NELL1: variants seen among roughly 807,000 people sequenced by gnomAD.
NELL1 encodes the protein neural EGFL like 1.
Under a neutral mutation model 107.4 loss-of-function variants are expected in NELL1, and 76 were observed. The ratio of observed to expected loss-of-function variants is 0.71; its 90% confidence interval spans 0.59 to 0.86. NELL1 has a LOEUF of 0.86. Ranked by LOEUF, NELL1 falls within the 40% of genes least tolerant of loss-of-function variation. NELL1 has a pLI of 0.00. For missense variants in NELL1, 1,024 were observed against 1,005.5 expected (o/e 1.02, Z -0.25); for synonymous variants, 353 against 341.2 (o/e 1.03, Z -0.38).
chr11:21,314,457 A>T (rs563177376), intron 14 of NELL1, among the ~76,000 whole-genome samples: 5 of 152,314 alleles, frequency 3.3e-5, no homozygotes, highest in African/African-American at 1.2e-4. Flanking sequence ...GAGTATAATG[A>T]GATAGTAGAA....
intron 13 of NELL1, among the ~76,000 whole-genome samples, chr11:21,119,386 GAAAA>G (rs5790163): frequency 7.7e-6 from 1 of 129,180 alleles, no homozygotes; most frequent in African/African-American, 2.9e-5. Context: ...GCTAAAAATT[GAAAA>G]AAAAAAAAAA....
intron 2 of NELL1, among the ~76,000 whole-genome samples, chr11:20,721,516 C>A (rs1290792579): frequency 6.6e-6 from 1 of 152,050 alleles, no homozygotes; most frequent in Non-Finnish European, 1.5e-5. Context: ...AAAGGTGAAG[C>A]ATCTACTGGC....
chr11:20,680,100 C>G (rs939302919), intron 2 of NELL1, among the ~76,000 whole-genome samples: 1 of 152,022 alleles, frequency 6.6e-6, no homozygotes, highest in African/African-American at 2.4e-5. Flanking sequence ...GCTTATATCC[C>G]CTGTGATTAT....
At chr11:21,398,790 C>A (rs1232002431) in intron 15 of NELL1, among the ~76,000 whole-genome samples, 2 of 151,718 alleles carry the variant, frequency 1.3e-5, no homozygotes, top group Non-Finnish European at 2.9e-5. Context: ...ATATTAATAT[C>A]TTCCTGATTT....
At chr11:21,444,107 A>T (rs1853359372) in intron 15 of NELL1, among the ~76,000 whole-genome samples, 1 of 152,136 alleles carries the variant, frequency 6.6e-6, no homozygotes, top group African/African-American at 2.4e-5. Context: ...ACCACATTTT[A>T]AAATTAAAAA....
intron 2 of NELL1, among the ~76,000 whole-genome samples, chr11:20,751,558 C>G (rs556558419): frequency 3.3e-5 from 5 of 151,956 alleles, no homozygotes; most frequent in African/African-American, 1.2e-4. Flanking sequence ...CTTACTGGAG[C>G]CTTGAACTCC....
intron 14 of NELL1, among the ~76,000 whole-genome samples, chr11:21,245,176 C>T (rs1239344475): frequency 6.6e-6 from 1 of 152,142 alleles, no homozygotes; most frequent in African/African-American, 2.4e-5. Context: ...CACACAAAAC[C>T]TGTATTTTAG....
At chr11:21,481,319 G>A (rs73469132) in intron 15 of NELL1, among the ~76,000 whole-genome samples, 14,517 of 152,140 alleles carry the variant, frequency 0.095, 1,147 homozygotes, top group African/African-American at 0.22. Flanking sequence ...TGACTGTGGA[G>A]AGCTCAGAAA....
At chr11:21,442,645 A>G (rs1853313630) in intron 15 of NELL1, among the ~76,000 whole-genome samples, 1 of 152,232 alleles carries the variant, frequency 6.6e-6, no homozygotes. Context: ...TCTTATGTGC[A>G]TGGAACTTTG....
chr11:21,457,560 G>C lies in NELL1; in HGVS notation c.1646-76814G>C, dbSNP rs114942703. Among the ~76,000 whole-genome samples the C allele has an allele frequency of 9.3e-3, 1,417 of 152,238 alleles. 28 individuals carry two copies. The highest frequency in any genetic ancestry group is 0.032 in the African/African-American group (1,346 of 41,544). On this transcript the variant is annotated intron_variant, in intron 15 of 19. Transcript: ENST00000357134. ...AAAATTGTCAATACTAGAGTAGAAG[G>C]CTTGGTGGGTATGGAGTAAATTTAA...
intron 16 of NELL1, among the ~76,000 whole-genome samples, chr11:21,552,709 G>A (rs1856621158): frequency 6.6e-6 from 1 of 151,776 alleles, no homozygotes; most frequent in South Asian, 2.1e-4. Context: ...GAAGAAATAT[G>A]AAGAGAGGAT....
intron 12 of NELL1, among the ~76,000 whole-genome samples, chr11:21,035,704 C>T (rs1022875358): frequency 6.6e-6 from 1 of 152,130 alleles, no homozygotes; most frequent in African/African-American, 2.4e-5. Flanking sequence ...TAAAAAGTCT[C>T]TATAAACTGG....
At position 20,674,595 on chromosome 11, in the gene NELL1, T is replaced by G. The variant is rs1442411789; in HGVS notation, c.56-3337T>G. The G allele has an allele frequency of 1.1e-5, 15 of 1,358,424 alleles. No individual in the cohort carries two copies. The South Asian group carries it at 1.9e-4, about 17-fold the overall frequency. The allele number at this position is 1,358,424 out of a possible 1,614,324, so 84.1% of individuals were successfully genotyped here. A position where few individuals can be genotyped will look rare whatever the true frequency, so the allele number is the denominator to read the frequency against. On this transcript the variant is annotated intron_variant, in intron 1 of 19. Coordinates refer to ENST00000357134, the MANE Select transcript of NELL1 (RefSeq NM_006157.5). ...GAGGCAGGTATTAACGTTCCTATTT[T>G]ATGGATGAGGAAACTGAGGCTTGAT...
intron 2 of NELL1, among the ~76,000 whole-genome samples, chr11:20,679,082 C>T (rs1475290650): frequency 2.0e-5 from 3 of 152,178 alleles, no homozygotes; most frequent in African/African-American, 7.2e-5. Context: ...GACTAGGTTA[C>T]ATGGGACCCT....
intron 15 of NELL1, among the ~76,000 whole-genome samples, chr11:21,378,245 T>A (rs1481344587): frequency 7.8e-6 from 1 of 128,760 alleles, no homozygotes; most frequent in African/African-American, 3.1e-5. Context: ...AAAGTCTTTT[T>A]AAAAAATATG....
intron 4 of NELL1, among the ~76,000 whole-genome samples, chr11:20,863,206 G>C (rs1202667690): frequency 1.0e-4 from 14 of 138,886 alleles, no homozygotes; most frequent in Non-Finnish European, 2.1e-4. Flanking sequence ...CCTCCCGGAC[G>C]GGGCCGCAGC....
chr11:21,469,910 C>T (rs960621299), intron 15 of NELL1, among the ~76,000 whole-genome samples: 1 of 151,958 alleles, frequency 6.6e-6, no homozygotes, highest in African/African-American at 2.4e-5. Flanking sequence ...GCTTTTTCCC[C>T]TTGTTAAATT....
At chr11:20,871,698 G>C (rs1162973286) in intron 4 of NELL1, among the ~76,000 whole-genome samples, 2 of 151,620 alleles carry the variant, frequency 1.3e-5, no homozygotes, top group African/African-American at 2.4e-5. Context: ...CCCTCCCTAT[G>C]CCTCTTACTT....
intron 7 of NELL1, among the ~76,000 whole-genome samples, chr11:20,921,796 G>GTTTT (rs34327396): frequency 1.9e-4 from 26 of 137,168 alleles, no homozygotes; most frequent in African/African-American, 5.6e-4. Flanking sequence ...TTTATTGTGT[G>GTTTT]TGTTTTTTTT....
Sources: gnomAD v4.1 joint callset for allele counts (sites outside exome capture counted in the v4.1 genomes callset) on GRCh38, gnomAD v4.1.1 for gene constraint, MANE v1.5 for transcripts, NCBI Gene and HGNC (gene_info 2026-07-23, HGNC 2026-07-21) for gene names.